OTOGL: variants seen among roughly 807,000 people sequenced by gnomAD.
OTOGL encodes the protein otogelin-like protein.
A neutral mutation model predicts 318.5 loss-of-function variants in OTOGL; 285 were observed. That is an observed-to-expected ratio of 0.89 (90% CI 0.81 to 0.99). The LOEUF (loss-of-function observed/expected upper bound fraction) is 0.99, where lower values mean the gene tolerates loss of function less well. OTOGL is among the 50% of genes least tolerant of loss of function. The pLI is 0.00. For missense variants in OTOGL, 2,899 were observed against 2,845.6 expected (o/e 1.02, Z -0.43); for synonymous variants, 987 against 936.5 (o/e 1.05, Z -0.99).
intron 7 of OTOGL, among the ~76,000 whole-genome samples, chr12:80,222,563 G>A (rs569143016): frequency 6.6e-6 from 1 of 152,274 alleles, no homozygotes; most frequent in African/African-American, 2.4e-5. Context: ...CTAATTGCTA[G>A]GTAGTTTGAT....
At chr12:80,174,455 G>C (rs1874400130) in intron 1 of OTOGL, among the ~76,000 whole-genome samples, 1 of 152,118 alleles carries the variant, frequency 6.6e-6, no homozygotes, top group Non-Finnish European at 1.5e-5. Context: ...TTGTATAAAG[G>C]GCAGCAAGAA....
intron 39 of OTOGL, 96 bp from the exon 40 acceptor site, chr12:80,336,317 T>G (rs141439609): frequency 1.1e-5 from 15 of 1,367,098 alleles, no homozygotes; most frequent in Middle Eastern, 2.2e-4. Flanking sequence ...TTGTCAGACA[T>G]AATAAGGCTA....
At chr12:80,146,866 C>G (rs1872407426) in intron 1 of OTOGL, among the ~76,000 whole-genome samples, 1 of 152,000 alleles carries the variant, frequency 6.6e-6, no homozygotes, top group South Asian at 2.1e-4. Context: ...GTAGTATTCT[C>G]TGATGGTAGT....
At chr12:80,121,103 G>C (rs1592468146) in intron 1 of OTOGL, among the ~76,000 whole-genome samples, 2 of 152,274 alleles carry the variant, frequency 1.3e-5, no homozygotes, top group African/African-American at 4.8e-5. Context: ...TGTGAGAAGG[G>C]CTGAGGCCTC....
rs577837344 is a variant in OTOGL at position 80,111,915 on chromosome 12, T to C, written c.-20+12310T>C. ...TTTTCCATTTGTTTGTGTCCTCTCT[T>C]ATTTCCTTGAGCAGTGGTTTGTAGT... is the stretch of plus-strand genomic sequence containing the variant. On this transcript the variant is annotated intron_variant, in intron 1 of 58. Transcript: ENST00000547103. 1.3e-3 allele frequency among the ~76,000 whole-genome samples: 202 copies of C among 152,304 alleles called. 1 individual carries two copies. Among genetic ancestry groups the C allele is most frequent in the Non-Finnish European group, 2.6e-3 (179 of 68,018 alleles).
chr12:80,252,466 T>C (rs1881655573), intron 13 of OTOGL, among the ~76,000 whole-genome samples: 1 of 152,180 alleles, frequency 6.6e-6, no homozygotes, highest in Admixed American at 6.5e-5. Context: ...CGATCAATAT[T>C]TAATGGTATT....
chr12:80,278,507 A>C (rs980448288), intron 25 of OTOGL, among the ~76,000 whole-genome samples: 1 of 151,538 alleles, frequency 6.6e-6, no homozygotes, highest in Non-Finnish European at 1.5e-5. Context: ...ACAATCTAAA[A>C]TTTTAATAGG....
chr12:80,163,804 T>G (rs554631347), intron 1 of OTOGL, among the ~76,000 whole-genome samples: 9 of 152,294 alleles, frequency 5.9e-5, no homozygotes, highest in African/African-American at 2.2e-4. Context: ...GCCCAACTGT[T>G]GCAAGCATTT....
chr12:80,252,237 T>C (rs1881633792), intron 13 of OTOGL, 36 bp downstream of exon 13: 1 of 1,578,546 alleles, frequency 6.3e-7, no homozygotes, highest in African/African-American at 1.3e-5. Context: ...TCTGCACTCA[T>C]GGAAACTAGT....
At chr12:80,273,940 G>GC (rs1281155497) in intron 24 of OTOGL, among the ~76,000 whole-genome samples, 1 of 152,004 alleles carries the variant, frequency 6.6e-6, no homozygotes, top group East Asian at 1.9e-4. Context: ...CACAAATGGT[G>GC]CCCATATAAG....
intron 1 of OTOGL, among the ~76,000 whole-genome samples, chr12:80,136,800 T>A (rs190271864): frequency 3.2e-4 from 48 of 152,308 alleles, no homozygotes; most frequent in East Asian, 7.7e-4. Flanking sequence ...CTATTTTTTT[T>A]AAAATAGTAT....
chr12:80,148,400 G>A (rs1237935522), intron 1 of OTOGL, among the ~76,000 whole-genome samples: 1 of 149,964 alleles, frequency 6.7e-6, no homozygotes, highest in Non-Finnish European at 1.5e-5. Flanking sequence ...CTTCTGGCTT[G>A]TAGGGTTTCT....
chr12:80,289,850 G>T (rs974812524), intron 26 of OTOGL, among the ~76,000 whole-genome samples: 1 of 152,140 alleles, frequency 6.6e-6, no homozygotes, highest in African/African-American at 2.4e-5. Context: ...GGTGGGACCC[G>T]CTGAGTGAGA....
At chr12:80,357,399 A>C (rs1043874358) in intron 49 of OTOGL, among the ~76,000 whole-genome samples, 1 of 146,424 alleles carries the variant, frequency 6.8e-6, no homozygotes, top group Non-Finnish European at 1.5e-5. Context: ...AAATATAAAG[A>C]ATTCTCTAAT....
chr12:80,209,289 C>G (rs750662603), intron 1 of OTOGL, 124 bp from the exon 2 acceptor site: 27 of 511,884 alleles, frequency 5.3e-5, no homozygotes, highest in Non-Finnish European at 2.6e-5. Context: ...AGTTGGAAAG[C>G]CTGGAATTCC....
At chr12:80,306,654 A>G (rs1385716880) in intron 29 of OTOGL, among the ~76,000 whole-genome samples, 1 of 152,118 alleles carries the variant, frequency 6.6e-6, no homozygotes, top group East Asian at 1.9e-4. Context: ...TATCCACTAT[A>G]TTGAGAGAGA....
At chr12:80,349,162 T>A (rs1221150080) in intron 44 of OTOGL, among the ~76,000 whole-genome samples, 3 of 152,014 alleles carry the variant, frequency 2.0e-5, no homozygotes, top group Non-Finnish European at 4.4e-5. Flanking sequence ...GAGCAGAAAC[T>A]CTGGAGTGTA....
At chr12:80,253,881 C>T (rs1334770529) in intron 14 of OTOGL, among the ~76,000 whole-genome samples, 1 of 152,040 alleles carries the variant, frequency 6.6e-6, no homozygotes, top group Non-Finnish European at 1.5e-5. Context: ...TTCTGGGCTT[C>T]TCTGTTACAT....
chr12:80,212,081 T>G (rs1440144719), intron 4 of OTOGL, 84 bp downstream of exon 4: 1 of 1,302,186 alleles, frequency 7.7e-7, no homozygotes, highest in African/African-American at 1.5e-5. Flanking sequence ...CAATGAGACC[T>G]TTGTGGAGGG....
Sources: allele counts gnomAD v4.1 joint callset (sites outside exome capture counted in the v4.1 genomes callset), GRCh38; gene constraint gnomAD v4.1.1; transcripts MANE v1.5; gene names NCBI Gene and HGNC (gene_info 2026-07-23, HGNC 2026-07-21).